The following RYR3 variants were observed in gnomAD, a reference collection of about 807,000 sequenced individuals.
RYR3 encodes brain ryanodine receptor-calcium release channel.
A neutral mutation model predicts 584.3 loss-of-function variants in RYR3; 207 were observed. The observed-to-expected ratio is 0.35, with a 90% confidence interval of 0.32 to 0.40. The LOEUF (loss-of-function observed/expected upper bound fraction) is 0.40. Among genes scored for constraint, RYR3 ranks in the 10% least tolerant of loss-of-function variants. RYR3 has a pLI of 1.00. For missense variants in RYR3, 5,616 were observed against 6,089.2 expected (o/e 0.92, Z 2.59); for synonymous variants, 2,416 against 2,248.5 (o/e 1.07, Z -2.11).
At chr15:33,794,616 T>C (rs2075479771) in intron 67 of RYR3, among the ~76,000 whole-genome samples, 1 of 152,066 alleles carries the variant, frequency 6.6e-6, no homozygotes, top group East Asian at 1.9e-4. Context: ...ACTTATGCGG[T>C]GTTTGACAGT....
chr15:33,704,847 T>C (rs1372259037), intron 42 of RYR3, among the ~76,000 whole-genome samples: 1 of 152,138 alleles, frequency 6.6e-6, no homozygotes, highest in Non-Finnish European at 1.5e-5. Flanking sequence ...TTGGGAAATC[T>C]GTAAAGGGGA....
At chr15:33,677,460 T>G (rs1424557820) in intron 38 of RYR3, among the ~76,000 whole-genome samples, 1 of 152,234 alleles carries the variant, frequency 6.6e-6, no homozygotes, top group Non-Finnish European at 1.5e-5. Flanking sequence ...CTCACTGTGC[T>G]CTTTTCCCCA....
At chr15:33,569,934 G>T (rs549542188) in intron 12 of RYR3, among the ~76,000 whole-genome samples, 3 of 151,982 alleles carry the variant, frequency 2.0e-5, no homozygotes, top group Non-Finnish European at 4.4e-5. Context: ...TTTAAGTTGG[G>T]TCATTTGTCT....
intron 1 of RYR3, among the ~76,000 whole-genome samples, chr15:33,385,839 G>A (rs1468886441): frequency 1.3e-5 from 2 of 151,650 alleles, no homozygotes; most frequent in African/African-American, 4.8e-5. Flanking sequence ...AAGTAGCTGG[G>A]ATTACAGGTG....
At chr15:33,526,434 G>T (rs2054395935) in intron 3 of RYR3, among the ~76,000 whole-genome samples, 1 of 152,138 alleles carries the variant, frequency 6.6e-6, no homozygotes, top group Non-Finnish European at 1.5e-5. Flanking sequence ...CTGCCATCCT[G>T]ATAAATCTTC....
Position 33,780,517 on chromosome 15 carries a change from G to A in RYR3, c.9268+176G>A, listed in dbSNP as rs375698984. Among the ~76,000 whole-genome samples, 14 of 152,338 alleles carry A rather than the reference G, an allele frequency of 9.2e-5. No homozygotes were observed. In the East Asian group the frequency reaches 1.7e-3, roughly 19 times the overall value. On this transcript the variant is annotated intron_variant, in intron 65 of 103. Transcript: ENST00000634891. ...CATCTTACTGGAGAAATAAGCATGGGCAAGGCTTTGTTATAATTAGGCTTT... is the reference window on the plus strand; with the variant it reads ...CATCTTACTGGAGAAATAAGCATGGACAAGGCTTTGTTATAATTAGGCTTT...
chr15:33,440,200 T>C (rs903648000), intron 1 of RYR3, among the ~76,000 whole-genome samples: 6 of 152,054 alleles, frequency 3.9e-5, no homozygotes, highest in Non-Finnish European at 8.8e-5. Flanking sequence ...GGTGGGAGGA[T>C]CACTTGAGCC....
intron 16 of RYR3, among the ~76,000 whole-genome samples, chr15:33,594,903 A>G (rs1342419547): frequency 6.6e-6 from 1 of 152,228 alleles, no homozygotes; most frequent in African/African-American, 2.4e-5. Context: ...GAATTACAGG[A>G]GTTTTCCATA....
chr15:33,551,904 A>C lies in RYR3; in HGVS notation c.972+1588A>C, dbSNP rs370530032. Among the ~76,000 whole-genome samples, 607 of 152,322 alleles carry C rather than the reference A, an allele frequency of 4.0e-3. 5 individuals carry two copies. The highest frequency in any genetic ancestry group is 0.014 in the African/African-American group (577 of 41,566). On this transcript the variant is annotated intron_variant, in intron 10 of 103. Coordinates refer to ENST00000634891, the MANE Select transcript of RYR3 (RefSeq NM_001036.6). ...CAACAGGAAAGTCGTAAGAACAGAG[A>C]CTGGGACATGGAGTGGGAGCTGAAG...
At chr15:33,537,207 T>A (rs1050998752) in intron 5 of RYR3, among the ~76,000 whole-genome samples, 1 of 152,238 alleles carries the variant, frequency 6.6e-6, no homozygotes, top group Non-Finnish European at 1.5e-5. Context: ...TTTCAAACTT[T>A]CCTATAGAAG....
intron 1 of RYR3, among the ~76,000 whole-genome samples, chr15:33,400,065 A>T (rs1190224991): frequency 6.6e-6 from 1 of 152,124 alleles, no homozygotes; most frequent in African/African-American, 2.4e-5. Flanking sequence ...GGAAAACACT[A>T]AGCTGACTTC....
In RYR3 at chr15:33,550,335, G is replaced by C; in HGVS notation, c.972+19G>C. The C allele has an allele frequency of 1.9e-6, 3 of 1,606,086 alleles. No homozygotes were observed. The highest frequency in any genetic ancestry group is 2.6e-6 in the Non-Finnish European group (3 of 1,176,372). On this transcript the variant is annotated intron_variant, in intron 10 of 103. Transcript: ENST00000634891. ...ATCAAAGGTAAGGTGTGATAAAGTG[G>C]ACTTTGACCCTGTTCTAAAAGTGAA...
chr15:33,744,877 G>A (rs1247075737), intron 52 of RYR3, among the ~76,000 whole-genome samples: 1 of 152,180 alleles, frequency 6.6e-6, no homozygotes, highest in Non-Finnish European at 1.5e-5. Flanking sequence ...TACCAGGATG[G>A]CAGCTTGCTG....
chr15:33,682,814 C>T (rs1332130632), intron 38 of RYR3, among the ~76,000 whole-genome samples: 1 of 152,138 alleles, frequency 6.6e-6, no homozygotes, highest in Non-Finnish European at 1.5e-5. Context: ...AGAGATGCAA[C>T]AAGGTCTGCT....
intron 1 of RYR3, among the ~76,000 whole-genome samples, chr15:33,352,090 C>A (rs1300829169): frequency 6.6e-6 from 1 of 152,196 alleles, no homozygotes. Context: ...GCACAAAAAT[C>A]ACAAGCATTC....
chr15:33,510,083 CAT>C (rs1303937289), intron 3 of RYR3, among the ~76,000 whole-genome samples: 1 of 152,202 alleles, frequency 6.6e-6, no homozygotes, highest in Non-Finnish European at 1.5e-5. Flanking sequence ...AAATTGCTCT[CAT>C]GTGCAAAAGC....
chr15:33,598,290 CA>C (rs1400199824), intron 16 of RYR3, among the ~76,000 whole-genome samples: 1 of 99,282 alleles, frequency 1.0e-5, no homozygotes, highest in African/African-American at 4.1e-5. Flanking sequence ...GAAAAACAAA[CA>C]AAAAACCAAA....
chr15:33,314,999 C>T (rs1967953026), intron 1 of RYR3, among the ~76,000 whole-genome samples: 1 of 152,098 alleles, frequency 6.6e-6, no homozygotes. Flanking sequence ...CATTTGTTTG[C>T]ATTAGTTTCA....
chr15:33,661,561 G>A (rs972781975), intron 34 of RYR3, among the ~76,000 whole-genome samples: 15 of 152,146 alleles, frequency 9.9e-5, no homozygotes, highest in African/African-American at 2.9e-4. Context: ...GGCTGGGGGA[G>A]GGGGTAGAGG....
Sources: allele counts gnomAD v4.1 joint callset (sites outside exome capture counted in the v4.1 genomes callset), GRCh38; gene constraint gnomAD v4.1.1; transcripts MANE v1.5; gene names NCBI Gene and HGNC (gene_info 2026-07-23, HGNC 2026-07-21).